The following PTCD2 variants were observed in gnomAD, a reference collection of about 807,000 sequenced individuals.
The protein encoded by PTCD2 is pentatricopeptide repeat domain 2, also known as pentatricopeptide repeat-containing protein 2, mitochondrial.
PTCD2 carries 31 observed loss-of-function variants against 42.6 expected under a neutral mutation model. That is an observed-to-expected ratio of 0.73 (90% CI 0.55 to 0.98). The LOEUF (loss-of-function observed/expected upper bound fraction) is 0.98. PTCD2 is among the 50% of genes least tolerant of loss of function. The pLI is 0.00. For synonymous variants in PTCD2, 183 were observed against 170.9 expected (o/e 1.07, Z -0.55); for missense variants, 476 against 454.8 (o/e 1.05, Z -0.42).
rs1752969061 is a variant in PTCD2 at position 72,358,121 on chromosome 5, C to T, written c.943-82C>T. Reference sequence around the variant, plus strand: ...GCCTACCATACATTTTTGTTCATGTCCATTTCTTTTTCTTAGGGTTATAGT... The same window carrying T: ...GCCTACCATACATTTTTGTTCATGTTCATTTCTTTTTCTTAGGGTTATAGT... On this transcript the variant is annotated intron_variant, in intron 9 of 9. Coordinates refer to ENST00000380639, the MANE Select transcript of PTCD2 (RefSeq NM_024754.5). The T allele has an allele frequency of 3.2e-6, 4 of 1,266,214 alleles. No individual in the cohort carries two copies. The African/African-American group carries it at 4.4e-5, about 14-fold the overall frequency. The allele number at this position is 1,266,214 out of a possible 1,614,324, so 78.4% of individuals were successfully genotyped here.
rs1753106666 is a variant in PTCD2, at chr5:72,362,013, G to C, written c.*3586G>C. The C allele has an allele frequency of 6.6e-6, 1 of 152,222 alleles. No homozygotes were observed. Among genetic ancestry groups the C allele is most frequent in the Non-Finnish European group, 1.5e-5 (1 of 68,088 alleles). The allele number at this position is 152,222 out of a possible 1,614,324, so 9.4% of individuals were successfully genotyped here. A position where few individuals can be genotyped will look rare whatever the true frequency, so the allele number is the denominator to read the frequency against. On this transcript the variant is annotated 3_prime_UTR_variant, in exon 10 of 10. Transcript: ENST00000380639. ...CATGTCTGTCCTTTCTGCTCTGTTT[G>C]CTGGGTGCCTAGCATGGTAGGGGAT... is the stretch of plus-strand genomic sequence containing the variant.
chr5:72,336,265 A>T (rs1430305255), intron 6 of PTCD2, among the ~76,000 whole-genome samples: 2 of 152,134 alleles, frequency 1.3e-5, no homozygotes, highest in Admixed American at 6.5e-5. Context: ...CTTTGTCCTC[A>T]TATGTGAAGG....
chr5:72,343,001 A>G lies in PTCD2; in HGVS notation c.793A>G (p.Met265Val). The change falls in exon 8 of 10, where the codon ATG (methionine) becomes GTG (valine). Residue 265 changes from methionine (M) to valine (V), a missense_variant. Met to Val is a conservative substitution (Grantham distance 21, BLOSUM62 1). Transcript: ENST00000380639. ...AKAVSIFSQI[M>V]NPESIACINL... ...AGCTGTGTCCATTTTTTCTCAAATCATGAATCCAGAAAGCATAGCCTGCAT... is the reference window on the plus strand; with the variant it reads ...AGCTGTGTCCATTTTTTCTCAAATCGTGAATCCAGAAAGCATAGCCTGCAT... 5 of 1,602,962 alleles carry G rather than the reference A, an allele frequency of 3.1e-6. No individual in the cohort carries two copies. Among genetic ancestry groups the G allele is most frequent in the Middle Eastern group, 1.8e-4 (1 of 5,470 alleles).
At chr5:72,332,312 T>C (rs1751480421) in intron 4 of PTCD2, among the ~76,000 whole-genome samples, 1 of 152,142 alleles carries the variant, frequency 6.6e-6, no homozygotes, top group South Asian at 2.1e-4. Context: ...ACCCATAATA[T>C]ATTAGTAAGC....
intron 2 of PTCD2, among the ~76,000 whole-genome samples, chr5:72,324,063 G>A (rs1355733502): frequency 6.6e-6 from 1 of 152,088 alleles, no homozygotes; most frequent in East Asian, 1.9e-4. Context: ...TTGGAATGGG[G>A]GGAATATATT....
In PTCD2 at chr5:72,326,619, T is replaced by C. The variant is rs943945781; in HGVS notation, c.228T>C (p.Tyr76=). ...ACNLSGTKET[Y]FRNLKKKLTQ... is the part of the protein sequence containing the mutation. ...TACTGTGCTTTCTTCCAGAAACGTA[T>C]TTTAGAAACTTGAAAAAGAAACTGA... The change falls in exon 3 of 10, where the codon TAT becomes TAC. Residue 76 remains tyrosine (Y), a synonymous_variant. Coordinates refer to ENST00000380639, the MANE Select transcript of PTCD2 (RefSeq NM_024754.5). 4 of 1,614,060 alleles carry C rather than the reference T, an allele frequency of 2.5e-6. No individual in the cohort carries two copies. The highest frequency in any genetic ancestry group is 8.5e-7 in the Non-Finnish European group (1 of 1,180,032).
chr5:72,328,889 C>A (rs1314008283), intron 3 of PTCD2, among the ~76,000 whole-genome samples: 1 of 152,144 alleles, frequency 6.6e-6, no homozygotes, highest in Non-Finnish European at 1.5e-5. Context: ...AAAACTTACT[C>A]TTTGTTTCCT....
At chr5:72,334,443 T>G (rs575743927) in intron 4 of PTCD2, among the ~76,000 whole-genome samples, 2 of 152,326 alleles carry the variant, frequency 1.3e-5, no homozygotes, top group African/African-American at 4.8e-5. Context: ...GCATGACAAA[T>G]GACGGTTCCT....
rs531750978 is a variant in PTCD2, at chr5:72,354,301, C to T, written c.942+1547C>T. ...CTGTAGTCCCAGGTACTCAGGAGGC[C>T]GAGGCACGAGAATCGTTTGAACTAG... On this transcript the variant is annotated intron_variant, in intron 9 of 9. Transcript: ENST00000380639. Among the ~76,000 whole-genome samples the T allele has an allele frequency of 2.4e-3, 333 of 136,400 alleles. 4 individuals carry two copies. Among genetic ancestry groups the T allele is most frequent in the African/African-American group, 9.0e-3 (325 of 36,034 alleles). The allele number at this position is 136,400 out of a possible 152,430, so 89.5% of individuals were successfully genotyped here.
In PTCD2 at chr5:72,360,900, T is replaced by A. The variant is rs1753079835; in HGVS notation, c.*2473T>A. The A allele has an allele frequency of 6.6e-6, 1 of 152,268 alleles. No individual in the cohort carries two copies. 9.4% of individuals were successfully genotyped at this position (152,268 alleles called of 1,614,324 possible). A position where few individuals can be genotyped will look rare whatever the true frequency, so the allele number is the denominator to read the frequency against. ...TGGGGTTTCACCATGTTGGCCAGGC[T>A]GGTCTCTAACTCTTATCCTCAAGTG... On this transcript the variant is annotated 3_prime_UTR_variant, in exon 10 of 10. Transcript: ENST00000380639.
Position 72,338,737 on chromosome 5 carries a change from T to C in PTCD2, c.753+2T>C. The stretch of plus-strand genomic sequence containing the variant: ...GCTGTGGCATTAGCTCTGAATCAGG[T>C]AAAGCCTTGTGGTGTACATAAGTAA... On this transcript the variant is annotated splice_donor_variant, in intron 7 of 9. Coordinates refer to ENST00000380639, the MANE Select transcript of PTCD2 (RefSeq NM_024754.5). LOFTEE classifies it high-confidence loss of function. The C allele has an allele frequency of 6.4e-7, 1 of 1,556,938 alleles. No individual in the cohort carries two copies. Among genetic ancestry groups the C allele is most frequent in the Non-Finnish European group, 8.9e-7 (1 of 1,129,282 alleles).
At chr5:72,347,142 A>G (rs1333384683) in intron 8 of PTCD2, among the ~76,000 whole-genome samples, 2 of 152,204 alleles carry the variant, frequency 1.3e-5, no homozygotes, top group Non-Finnish European at 2.9e-5. Context: ...AATAAATAGC[A>G]GAGTCAGGGT....
chr5:72,349,883 C>T (rs1752536307), intron 8 of PTCD2, among the ~76,000 whole-genome samples: 1 of 152,112 alleles, frequency 6.6e-6, no homozygotes, highest in Admixed American at 6.5e-5. Context: ...GGTAATGAGC[C>T]TTATTTTTGA....
chr5:72,359,316 A>G lies in PTCD2; in HGVS notation c.*889A>G, dbSNP rs1753036154. ...CATGAGAGCAGTTCAAAGCTGCTTC[A>G]TACTTATGGTCTCAAATATAGTATG... On this transcript the variant is annotated 3_prime_UTR_variant, in exon 10 of 10. Transcript: ENST00000380639. The G allele has an allele frequency of 6.6e-6, 1 of 152,234 alleles. No homozygotes were observed. Among genetic ancestry groups the G allele is most frequent in the African/African-American group, 2.4e-5 (1 of 41,466 alleles). 9.4% of individuals were successfully genotyped at this position (152,234 alleles called of 1,614,324 possible).
rs16877763 is a variant in PTCD2 at position 72,347,359 on chromosome 5, C to T, written c.828+4323C>T. On this transcript the variant is annotated intron_variant, in intron 8 of 9. Transcript: ENST00000380639. The stretch of plus-strand genomic sequence containing the variant: ...CCTCTGGATTTAGATTTCTCATCTC[C>T]TTCCATCGTGGCCTATCTCTCACAG... 5.5e-3 allele frequency among the ~76,000 whole-genome samples: 839 copies of T among 152,294 alleles called. 16 individuals carry two copies. The highest frequency in any genetic ancestry group is 0.019 in the African/African-American group (803 of 41,552).
intron 2 of PTCD2, among the ~76,000 whole-genome samples, chr5:72,323,344 C>G (rs1371544881): frequency 2.0e-5 from 3 of 152,100 alleles, no homozygotes; most frequent in Non-Finnish European, 4.4e-5. Flanking sequence ...AAGCTACAAA[C>G]AAGAACACCA....
At chr5:72,358,169 A>C in intron 9 of PTCD2, 34 bp from the exon 10 acceptor site, 1 of 1,527,908 alleles carries the variant, frequency 6.5e-7, no homozygotes, top group Non-Finnish European at 9.0e-7. Flanking sequence ...GAAATCTTGC[A>C]GAGATGTAAT....
rs1181044452 is a variant in PTCD2, at chr5:72,322,244, G to A, written c.200G>A (p.Cys67Tyr). Residue 67 changes from cysteine to tyrosine, a missense_variant, in exon 2 of 10, where the codon TGT becomes TAT. Cys to Tyr is a radical substitution (Grantham distance 194). Coordinates refer to ENST00000380639, the MANE Select transcript of PTCD2 (RefSeq NM_024754.5). Reference protein sequence around the residue: ...EFQQKKVAVACNLSGTKETYF... With the variant: ...EFQQKKVAVAYNLSGTKETYF... ...CAACAAAAGAAAGTGGCTGTTGCAT[G>A]TAATCTTTCTGGCACTAAAGGTAAT... The A allele has an allele frequency of 4.4e-6, 7 of 1,593,224 alleles. No homozygotes were observed. The highest frequency in any genetic ancestry group is 5.2e-6 in the Non-Finnish European group (6 of 1,161,644).
chr5:72,322,674 G>A (rs1197001200), intron 2 of PTCD2, among the ~76,000 whole-genome samples: 1 of 152,228 alleles, frequency 6.6e-6, no homozygotes, highest in Non-Finnish European at 1.5e-5. Flanking sequence ...ACTTTTTGAT[G>A]TAACCTTCAG....
Sources: gnomAD v4.1 joint callset for allele counts (sites outside exome capture counted in the v4.1 genomes callset) on GRCh38, gnomAD v4.1.1 for gene constraint, MANE v1.5 for transcripts, NCBI Gene and HGNC (gene_info 2026-07-23, HGNC 2026-07-21) for gene names.